The following SLC41A2 variants were observed in gnomAD, a reference collection of about 807,000 sequenced individuals.
The protein encoded by SLC41A2 is SLC41A1-like 1.
In SLC41A2, 32 loss-of-function variants were observed where a neutral mutation model predicts 58.3. The observed-to-expected ratio is 0.55, with a 90% CI of 0.41 to 0.74. SLC41A2 has a LOEUF of 0.74. Among genes scored for constraint, SLC41A2 ranks in the 30% least tolerant of loss-of-function variants. The pLI is 0.00. For missense variants in SLC41A2, 514 were observed against 680.6 expected (o/e 0.76, Z 2.72); for synonymous variants, 190 against 235.0 (o/e 0.81, Z 1.75).
chr12:104,872,727 T>C (rs1369405257), intron 6 of SLC41A2, among the ~76,000 whole-genome samples: 1 of 152,130 alleles, frequency 6.6e-6, no homozygotes, highest in Non-Finnish European at 1.5e-5. Flanking sequence ...AGCAAGACTC[T>C]GTCTCCAAAA....
At chr12:104,866,984 A>T (rs201790354) in intron 6 of SLC41A2, among the ~76,000 whole-genome samples, 1 of 152,160 alleles carries the variant, frequency 6.6e-6, no homozygotes, top group African/African-American at 2.4e-5. Flanking sequence ...TTTCTATTTT[A>T]TGAAGAAACT....
At chr12:104,923,916 G>T (rs955404810) in intron 2 of SLC41A2, among the ~76,000 whole-genome samples, 1 of 152,136 alleles carries the variant, frequency 6.6e-6, no homozygotes, top group African/African-American at 2.4e-5. Flanking sequence ...TTACCACAGG[G>T]TATGGAAAGA....
At chr12:104,818,612 C>G (rs1253655645) in intron 10 of SLC41A2, among the ~76,000 whole-genome samples, 1 of 152,144 alleles carries the variant, frequency 6.6e-6, no homozygotes, top group Non-Finnish European at 1.5e-5. Context: ...GGTGCGGTGG[C>G]TCATACCTGT....
chr12:104,913,715 G>GCA (rs1036674037), intron 2 of SLC41A2, among the ~76,000 whole-genome samples: 1 of 152,186 alleles, frequency 6.6e-6, no homozygotes, highest in Admixed American at 6.5e-5. Context: ...TGGCCACCTT[G>GCA]CAGGCTGCAA....
At chr12:104,860,616 ACT>A (rs1393907645) in intron 8 of SLC41A2, among the ~76,000 whole-genome samples, 1 of 151,814 alleles carries the variant, frequency 6.6e-6, no homozygotes, top group Non-Finnish European at 1.5e-5. Flanking sequence ...ACAGGGTCTC[ACT>A]CTGTTTCCCA....
chr12:104,890,656 C>G (rs2044912612), intron 4 of SLC41A2, among the ~76,000 whole-genome samples: 1 of 152,126 alleles, frequency 6.6e-6, no homozygotes, highest in African/African-American at 2.4e-5. Context: ...AAAGCAAAGT[C>G]TGGGTTTAAG....
chr12:104,918,258 C>A (rs1290491827), intron 2 of SLC41A2, among the ~76,000 whole-genome samples: 1 of 151,810 alleles, frequency 6.6e-6, no homozygotes, highest in East Asian at 1.9e-4. Context: ...GTAAAATGAC[C>A]AAAATTTTGA....
intron 9 of SLC41A2, among the ~76,000 whole-genome samples, 162 bp downstream of exon 9, chr12:104,845,681 C>T (rs1461116052): frequency 2.6e-5 from 4 of 152,216 alleles, no homozygotes; most frequent in Admixed American, 6.5e-5. Flanking sequence ...TCAGCAACTG[C>T]AGACTTGATA....
rs2042917141 is a variant in SLC41A2 at position 104,853,926 on chromosome 12, T to TTTTTAATTTTTA, written c.1255+7364_1255+7365insTAAAAATTAAAA. ...TGCCTGGCTGATTTTTTTTTTTTTT[T>TTTTTAATTTTTA]TTTTTTTTTTTTTAGTAGAACTGAG... On this transcript the variant is annotated intron_variant, in intron 8 of 10. Coordinates refer to ENST00000258538, the MANE Select transcript of SLC41A2 (RefSeq NM_001352171.3). 1.2e-4 allele frequency among the ~76,000 whole-genome samples: 14 copies of TTTTTAATTTTTA among 118,850 alleles called. 1 individual carries two copies. Among genetic ancestry groups the TTTTTAATTTTTA allele is most frequent in the African/African-American group, 4.3e-4 (14 of 32,480 alleles). The allele number at this position is 118,850 out of a possible 152,430, so 78.0% of individuals were successfully genotyped here.
intron 10 of SLC41A2, among the ~76,000 whole-genome samples, chr12:104,842,208 C>T (rs1171060036): frequency 3.3e-5 from 5 of 151,908 alleles, no homozygotes; most frequent in African/African-American, 1.2e-4. Context: ...GATCTTTTAC[C>T]TAAACCTTAA....
chr12:104,838,424 G>A (rs1186046480), intron 10 of SLC41A2, among the ~76,000 whole-genome samples: 1 of 152,130 alleles, frequency 6.6e-6, no homozygotes, highest in Admixed American at 6.5e-5. Context: ...TTTTTTTCTT[G>A]AGAATATGAG....
At chr12:104,821,415 A>G (rs1388642027) in intron 10 of SLC41A2, among the ~76,000 whole-genome samples, 1 of 152,190 alleles carries the variant, frequency 6.6e-6, no homozygotes, top group Non-Finnish European at 1.5e-5. Flanking sequence ...GATTTTTAAT[A>G]GCAAAAAACT....
At chr12:104,824,993 C>T (rs571567065) in intron 10 of SLC41A2, among the ~76,000 whole-genome samples, 51 of 151,656 alleles carry the variant, frequency 3.4e-4, no homozygotes, top group Middle Eastern at 3.4e-3. Flanking sequence ...AGTTTTAAAC[C>T]GCCCTAACTG....
chr12:104,903,852 T>C (rs139203990), intron 3 of SLC41A2, among the ~76,000 whole-genome samples: 11 of 152,078 alleles, frequency 7.2e-5, no homozygotes, highest in African/African-American at 2.7e-4. Context: ...TGCAGCAGAG[T>C]AGAGACCACA....
At chr12:104,933,980 C>T (rs1268552105) in intron 1 of SLC41A2, among the ~76,000 whole-genome samples, 1 of 151,908 alleles carries the variant, frequency 6.6e-6, no homozygotes, top group Admixed American at 6.6e-5. Context: ...ATGCACACTA[C>T]TTGGGTGATG....
Position 104,913,372 on chromosome 12 carries a change from T to C in SLC41A2, c.556-3610A>G, listed in dbSNP as rs554327688. 4.6e-5 allele frequency among the ~76,000 whole-genome samples: 7 copies of C among 152,174 alleles called. No individual in the cohort carries two copies. The South Asian group carries it at 1.2e-3, about 27-fold the overall frequency. Reference sequence around the variant, plus strand: ...TTCTTCCCTAAGGGCTACACAGAAATCAACCTTTTCAAAAGACTCCACTGC... The same window carrying C: ...TTCTTCCCTAAGGGCTACACAGAAACCAACCTTTTCAAAAGACTCCACTGC... On this transcript the variant is annotated intron_variant, in intron 2 of 10. Coordinates refer to ENST00000258538, the MANE Select transcript of SLC41A2 (RefSeq NM_001352171.3).
chr12:104,935,979 G>A (rs34876561), intron 1 of SLC41A2, among the ~76,000 whole-genome samples: 31,133 of 151,730 alleles, frequency 0.21, 4,234 homozygotes, highest in Middle Eastern at 0.31. Context: ...GGAGGCAGAG[G>A]TTGCAGTGAG....
intron 10 of SLC41A2, among the ~76,000 whole-genome samples, chr12:104,814,627 A>C (rs79114616): frequency 0.016 from 2,490 of 152,230 alleles, 74 homozygotes; most frequent in African/African-American, 0.057. Context: ...TCCAAGTCTT[A>C]GTTTCCTCAT....
chr12:104,958,711 G>C (rs1444060830), upstream of SLC41A2: 2 of 152,344 alleles, frequency 1.3e-5, no homozygotes, highest in African/African-American at 4.8e-5. Flanking sequence ...AGTTAAAACC[G>C]AACCACGTGT....
Sources: allele counts gnomAD v4.1 joint callset (sites outside exome capture counted in the v4.1 genomes callset), GRCh38; gene constraint gnomAD v4.1.1; transcripts MANE v1.5; gene names NCBI Gene and HGNC (gene_info 2026-07-23, HGNC 2026-07-21).